The following SYN2 variants were observed in gnomAD, a reference collection of about 807,000 sequenced individuals.
SYN2 encodes synapsin II.
Under a neutral mutation model 50.9 loss-of-function variants are expected in SYN2, and 19 were observed. That is an observed-to-expected ratio of 0.37 (90% CI 0.26 to 0.55). The LOEUF is 0.55. Among genes scored for constraint, SYN2 ranks in the 20% least tolerant of loss-of-function variants. The probability of loss-of-function intolerance (pLI) is 0.81; values close to 1 mark genes in which losing one functional copy is unlikely to be tolerated. For synonymous variants in SYN2, 255 were observed against 224.9 expected (o/e 1.13, Z -1.20); for missense variants, 587 against 576.4 (o/e 1.02, Z -0.19).
intron 5 of SYN2, chr3:12,159,164 A>G (rs1574871006): frequency 8.8e-6 from 3 of 341,844 alleles, no homozygotes; most frequent in Admixed American, 4.6e-5. Context: ...AAGGGCAGAA[A>G]GACGGAAAGA....
intron 1 of SYN2, among the ~76,000 whole-genome samples, chr3:12,111,321 G>T (rs1188015487): frequency 2.6e-5 from 4 of 152,158 alleles, no homozygotes; most frequent in Non-Finnish European, 5.9e-5. Context: ...GGAGCTGTAA[G>T]TCCATTAAGC....
At chr3:12,107,494 A>G (rs1696218823) in intron 1 of SYN2, among the ~76,000 whole-genome samples, 2 of 152,338 alleles carry the variant, frequency 1.3e-5, no homozygotes, top group South Asian at 4.1e-4. Flanking sequence ...TGTCACTGTA[A>G]TCAGGCTGCA....
At chr3:12,157,530 A>G (rs1322937355) in intron 5 of SYN2, 2 of 1,568,300 alleles carry the variant, frequency 1.3e-6, no homozygotes, top group Non-Finnish European at 8.8e-7. Flanking sequence ...GGTGGGGGCA[A>G]TACACCTGAG....
intron 1 of SYN2, among the ~76,000 whole-genome samples, chr3:12,066,124 A>T (rs1203660360): frequency 6.6e-6 from 1 of 152,196 alleles, no homozygotes; most frequent in African/African-American, 2.4e-5. Context: ...ATTGTATGGT[A>T]TGTGGATGAT....
intron 1 of SYN2, among the ~76,000 whole-genome samples, chr3:12,011,009 A>G (rs2125130427): frequency 6.6e-6 from 1 of 152,312 alleles, no homozygotes; most frequent in Non-Finnish European, 1.5e-5. Flanking sequence ...AAGCTTGCAG[A>G]AGTTCTTACA....
At chr3:12,184,058 G>GTT (rs1250771241) in intron 11 of SYN2, 10 of 986,262 alleles carry the variant, frequency 1.0e-5, no homozygotes, top group Non-Finnish European at 1.2e-5. Context: ...ATTTGGTGCA[G>GTT]TTTGAGTTTA....
At chr3:12,157,295 C>T in intron 5 of SYN2, 2 of 1,237,152 alleles carry the variant, frequency 1.6e-6, no homozygotes, top group East Asian at 2.4e-5. Flanking sequence ...CTGAGCCAGG[C>T]CACCTGAAAG....
chr3:12,102,398 A>C (rs1003464774), intron 1 of SYN2, among the ~76,000 whole-genome samples: 2 of 152,176 alleles, frequency 1.3e-5, no homozygotes, highest in Admixed American at 6.5e-5. Flanking sequence ...TCAATGAGTC[A>C]GGCAATAACA....
At position 12,158,965 on chromosome 3, in the gene SYN2, C is replaced by T. The variant is rs918292075; in HGVS notation, c.775-2581C>T. The T allele has an allele frequency of 3.6e-5, 48 of 1,349,442 alleles. No individual in the cohort carries two copies. In the South Asian group the frequency reaches 4.4e-4, roughly 12 times the overall value. The allele number at this position is 1,349,442 out of a possible 1,614,324, so 83.6% of individuals were successfully genotyped here. Reference sequence around the variant, plus strand: ...ATGAGGTGGCCCTAAGGGCCAATCCCGCCCCGACGGGCTCCGCCTTCCTTT... The same window carrying T: ...ATGAGGTGGCCCTAAGGGCCAATCCTGCCCCGACGGGCTCCGCCTTCCTTT... On this transcript the variant is annotated intron_variant, in intron 5 of 12. Transcript: ENST00000621198.
intron 1 of SYN2, among the ~76,000 whole-genome samples, chr3:12,050,821 C>A (rs1322739657): frequency 7.0e-6 from 1 of 142,522 alleles, no homozygotes; most frequent in African/African-American, 2.5e-5. Context: ...CTGCAAGCTC[C>A]GCTTCCCGGG....
chr3:12,059,025 A>G lies in SYN2; in HGVS notation c.377+54097A>G, dbSNP rs1695057340. Among the ~76,000 whole-genome samples the G allele has an allele frequency of 2.0e-5, 3 of 152,318 alleles. No individual in the cohort carries two copies. In the South Asian group the frequency reaches 6.2e-4, roughly 32 times the overall value. On this transcript the variant is annotated intron_variant, in intron 1 of 12. Transcript: ENST00000621198. ...CTGTCTGGTTATATGCATCCAAGTC[A>G]TGTGTTGCCAAAGTAGTTCTGTTAT...
intron 1 of SYN2, among the ~76,000 whole-genome samples, chr3:12,073,754 G>T (rs1574924794): frequency 6.6e-6 from 1 of 152,018 alleles, no homozygotes; most frequent in Non-Finnish European, 1.5e-5. Context: ...TTTGTTGAGG[G>T]TGACTTTATG....
In SYN2 at chr3:12,162,043, A is replaced by G. The variant is rs746853440; in HGVS notation, c.869A>G (p.Asp290Gly). The change falls in exon 7 of 13, where the codon GAC becomes GGC. Residue 290 changes from aspartate to glycine, a missense_variant. Transcript: ENST00000621198. ...VKVENHYDFQ[D>G]IASVVALTQT... is the part of the protein sequence containing the mutation. ...GTGGAAAACCACTACGACTTCCAGG[A>G]CATTGCCAGCGTGGTGGCTCTCACC... 1 of 1,614,040 alleles carries G rather than the reference A, an allele frequency of 6.2e-7. No individual in the cohort carries two copies.
intron 1 of SYN2, among the ~76,000 whole-genome samples, chr3:12,101,649 G>A (rs773305557): frequency 2.0e-5 from 3 of 152,056 alleles, no homozygotes. Flanking sequence ...CTATCTTAAT[G>A]TCTTTAAAAA....
chr3:12,011,302 A>T (rs902941219), intron 1 of SYN2, among the ~76,000 whole-genome samples: 6 of 152,262 alleles, frequency 3.9e-5, no homozygotes, highest in Non-Finnish European at 7.3e-5. Context: ...ACATAGAAGC[A>T]ATTGGGTATC....
chr3:12,093,174 G>C (rs554598587), intron 1 of SYN2, among the ~76,000 whole-genome samples: 1 of 152,282 alleles, frequency 6.6e-6, no homozygotes, highest in East Asian at 1.9e-4. Flanking sequence ...AGCAAATTAT[G>C]TATCACATTT....
chr3:12,153,809 A>C lies in SYN2; in HGVS notation c.774+2483A>C. The C allele has an allele frequency of 2.3e-6, 3 of 1,307,960 alleles. No homozygotes were observed. The South Asian group carries it at 3.7e-5, about 16-fold the overall frequency. 81.0% of individuals were successfully genotyped at this position (1,307,960 alleles called of 1,614,324 possible). ...CTACGTACCTTTCCAGCCCATCTCA[A>C]ATGCCCCCTATCTTATCAAGCCTTT... On this transcript the variant is annotated intron_variant, in intron 5 of 12. Transcript: ENST00000621198.
At chr3:12,051,436 C>G (rs1003961430) in intron 1 of SYN2, among the ~76,000 whole-genome samples, 1 of 152,040 alleles carries the variant, frequency 6.6e-6, no homozygotes, top group African/African-American at 2.4e-5. Context: ...GTTTTGTCCT[C>G]CAGAGCTACT....
chr3:12,115,368 TA>T (rs753740893), intron 1 of SYN2, among the ~76,000 whole-genome samples: 2 of 152,212 alleles, frequency 1.3e-5, no homozygotes, highest in Non-Finnish European at 2.9e-5. Context: ...TCTAGCTCTG[TA>T]AGTAAAATCA....
Sources: allele counts gnomAD v4.1 joint callset (sites outside exome capture counted in the v4.1 genomes callset), GRCh38; gene constraint gnomAD v4.1.1; transcripts MANE v1.5; gene names NCBI Gene and HGNC (gene_info 2026-07-23, HGNC 2026-07-21).